The following TTC39C variants were observed in gnomAD, a reference collection of about 807,000 sequenced individuals.
The protein encoded by TTC39C is tetratricopeptide repeat domain 39C.
A neutral mutation model predicts 76.3 loss-of-function variants in TTC39C; 33 were observed. That is an observed-to-expected ratio of 0.43 (90% CI 0.33 to 0.58). The LOEUF (loss-of-function observed/expected upper bound fraction) is 0.58. TTC39C is among the 20% of genes least tolerant of loss of function. The pLI, the probability that TTC39C is intolerant of heterozygous loss-of-function variation, is 0.04. For missense variants in TTC39C, 595 were observed against 701.4 expected (o/e 0.85, Z 1.71); for synonymous variants, 254 against 260.6 (o/e 0.97, Z 0.24).
chr18:24,076,555 G>C (rs759057168), intron 4 of TTC39C, among the ~76,000 whole-genome samples: 1 of 151,980 alleles, frequency 6.6e-6, no homozygotes, highest in Non-Finnish European at 1.5e-5. Flanking sequence ...CTCCTGCTTG[G>C]CCTGGCTGTG....
intron 7 of TTC39C, 66 bp downstream of exon 7, chr18:24,114,713 A>G: frequency 1.6e-6 from 2 of 1,288,260 alleles, no homozygotes; most frequent in Non-Finnish European, 2.2e-6. Context: ...TTTAGCTTTC[A>G]TGCCATTCAG....
intron 1 of TTC39C, among the ~76,000 whole-genome samples, chr18:24,002,079 G>A (rs1339888495): frequency 1.3e-5 from 2 of 152,116 alleles, no homozygotes; most frequent in Non-Finnish European, 2.9e-5. Context: ...AGTTGTTTGC[G>A]CACATGTCTT....
At chr18:24,132,463 A>G (rs746618795) in intron 13 of TTC39C, 22 bp from the exon 14 acceptor site, 2 of 1,611,170 alleles carry the variant, frequency 1.2e-6, no homozygotes, top group Non-Finnish European at 1.7e-6. Flanking sequence ...GAGTGCATAA[A>G]TATCTTTCTT....
At chr18:24,113,761 A>G in intron 6 of TTC39C, 1 of 694,026 alleles carries the variant, frequency 1.4e-6, no homozygotes, top group Non-Finnish European at 2.6e-6. Flanking sequence ...TACTTGTGGC[A>G]TCGTGTTGGC....
At chr18:24,046,709 A>G (rs2083889975) in intron 1 of TTC39C, among the ~76,000 whole-genome samples, 1 of 151,814 alleles carries the variant, frequency 6.6e-6, no homozygotes, top group Admixed American at 6.5e-5. Context: ...AATTTTTTCT[A>G]TATTCTTCTT....
intron 1 of TTC39C, among the ~76,000 whole-genome samples, chr18:24,039,716 G>A (rs1033596573): frequency 1.2e-4 from 18 of 152,208 alleles, no homozygotes; most frequent in African/African-American, 4.3e-4. Context: ...AGTAAGCCTG[G>A]AGGAAAGAAA....
intron 6 of TTC39C, among the ~76,000 whole-genome samples, chr18:24,105,849 A>C (rs993807186): frequency 4.6e-5 from 7 of 152,216 alleles, no homozygotes; most frequent in African/African-American, 1.7e-4. Context: ...TAGATGTCCA[A>C]AATTAGAGTC....
At chr18:24,014,751 C>T (rs2083427865), upstream of TTC39C, 2 of 1,151,318 alleles carry the variant, frequency 1.7e-6, no homozygotes, top group Non-Finnish European at 2.1e-6. Context: ...TCTCCCCTCC[C>T]CTCCCCTCCC....
chr18:24,013,320 T>C (rs1362940250), upstream of TTC39C, among the ~76,000 whole-genome samples: 2 of 152,196 alleles, frequency 1.3e-5, no homozygotes, highest in African/African-American at 4.8e-5. Context: ...CAGTTACACA[T>C]GACACTTAAG....
intron 1 of TTC39C, among the ~76,000 whole-genome samples, chr18:24,046,578 A>T (rs1214742934): frequency 6.6e-6 from 1 of 151,876 alleles, no homozygotes; most frequent in Non-Finnish European, 1.5e-5. Flanking sequence ...TTTTTGTTAC[A>T]AAATAATATT....
intron 1 of TTC39C, among the ~76,000 whole-genome samples, chr18:24,023,049 C>A (rs907644300): frequency 2.0e-5 from 3 of 152,156 alleles, no homozygotes; most frequent in African/African-American, 7.2e-5. Context: ...TGTTCCTGGC[C>A]TTCCTGAGGT....
chr18:24,111,575 A>C (rs867738925), intron 6 of TTC39C, among the ~76,000 whole-genome samples: 2,254 of 151,710 alleles, frequency 0.015, 56 homozygotes, highest in African/African-American at 0.052. Context: ...CTAAAAAAAA[A>C]AAAAAAGATC....
chr18:24,003,257 A>G (rs929890167), intron 1 of TTC39C, among the ~76,000 whole-genome samples: 3 of 152,074 alleles, frequency 2.0e-5, no homozygotes, highest in Non-Finnish European at 4.4e-5. Context: ...CAGTCATCAA[A>G]CCCCTCACAG....
chr18:24,056,826 TG>T (rs1210590670), intron 1 of TTC39C, among the ~76,000 whole-genome samples: 2 of 152,262 alleles, frequency 1.3e-5, no homozygotes, highest in East Asian at 3.9e-4. Context: ...CCTTATCTTT[TG>T]TAGAACATAT....
At chr18:24,123,610 T>C (rs1037342524) in intron 8 of TTC39C, 8 of 374,726 alleles carry the variant, frequency 2.1e-5, no homozygotes, top group Non-Finnish European at 3.3e-5. Flanking sequence ...TTTCGCCATG[T>C]TGGCCAGGCT....
intron 6 of TTC39C, among the ~76,000 whole-genome samples, chr18:24,084,281 C>T (rs777342711): frequency 7.2e-5 from 11 of 151,796 alleles, no homozygotes; most frequent in African/African-American, 9.7e-5. Context: ...GTCAGGAGTT[C>T]GAGACCAGCC....
At chr18:24,094,605 A>G (rs2084566207) in intron 6 of TTC39C, among the ~76,000 whole-genome samples, 1 of 152,246 alleles carries the variant, frequency 6.6e-6, no homozygotes, top group South Asian at 2.1e-4. Context: ...GTGTTAACAG[A>G]CATGAAAACA....
intron 1 of TTC39C, among the ~76,000 whole-genome samples, chr18:24,003,528 G>A (rs866199827): frequency 2.6e-5 from 4 of 152,118 alleles, no homozygotes; most frequent in African/African-American, 4.8e-5. Flanking sequence ...CTTGTCGTAG[G>A]TCAAATATGA....
chr18:24,079,935 G>C (rs1906582686), intron 4 of TTC39C, among the ~76,000 whole-genome samples: 2 of 72,216 alleles, frequency 2.8e-5, no homozygotes, highest in Non-Finnish European at 6.4e-5. Flanking sequence ...CCAGGTAGCT[G>C]GGACTACAGG....
Sources: allele counts gnomAD v4.1 joint callset (sites outside exome capture counted in the v4.1 genomes callset), GRCh38; gene constraint gnomAD v4.1.1; transcripts MANE v1.5; gene names NCBI Gene and HGNC (gene_info 2026-07-23, HGNC 2026-07-21).